Variants in GYPC observed in about 807,000 individuals in gnomAD.
GYPC encodes glycophorin C (Gerbich blood group), also known as glycophorin-C.
Under a neutral mutation model 12.6 loss-of-function variants are expected in GYPC, and 14 were observed. That is an observed-to-expected ratio of 1.11 (90% CI 0.74 to 1.74). The LOEUF (loss-of-function observed/expected upper bound fraction) is 1.74. Ranked by LOEUF, GYPC falls within the 40% of genes most tolerant of loss-of-function variation. GYPC has a pLI of 0.00. For missense variants in GYPC, 225 were observed against 172.1 expected (o/e 1.31, Z -1.72); for synonymous variants, 78 against 62.1 (o/e 1.26, Z -1.20).
At chr2:126,691,700 T>G (rs1368343098) in intron 2 of GYPC, among the ~76,000 whole-genome samples, 3 of 152,198 alleles carry the variant, frequency 2.0e-5, no homozygotes, top group Non-Finnish European at 4.4e-5. Context: ...TTCTTGCAAC[T>G]GTTGCAAGGA....
chr2:126,661,866 C>T lies in GYPC; in HGVS notation c.49+5554C>T, dbSNP rs116141485. The stretch of plus-strand genomic sequence containing the variant: ...GGGCTCAGGGGAGGAAGCTCCGCTT[C>T]GGGGCATGTAGAGCCAGCCCTGGGC... On this transcript the variant is annotated intron_variant, in intron 1 of 3. Transcript: ENST00000259254. Among the ~76,000 whole-genome samples the T allele has an allele frequency of 1.8e-3, 267 of 152,292 alleles. 2 individuals are homozygous for T. Among genetic ancestry groups the T allele is most frequent in the African/African-American group, 5.1e-3 (212 of 41,584 alleles).
chr2:126,666,751 ACACACATATGCACG>A (rs1682692359), intron 1 of GYPC, among the ~76,000 whole-genome samples: 1 of 123,492 alleles, frequency 8.1e-6, no homozygotes, highest in Admixed American at 8.0e-5. Context: ...ACACACACAC[ACACACATATGCACG>A]CACACACACA....
At chr2:126,694,815 C>T (rs1683591277) in intron 3 of GYPC, among the ~76,000 whole-genome samples, 1 of 148,698 alleles carries the variant, frequency 6.7e-6, no homozygotes, top group African/African-American at 2.5e-5. Context: ...GACAGGCTTG[C>T]TCTGCAGCTT....
At chr2:126,675,767 T>C (rs1682979338) in intron 1 of GYPC, 2 of 695,508 alleles carry the variant, frequency 2.9e-6, no homozygotes, top group African/African-American at 3.9e-5. Flanking sequence ...ATAAAATTTA[T>C]TAGTGATATT....
intron 1 of GYPC, chr2:126,686,371 G>A: frequency 1.0e-6 from 1 of 985,782 alleles, no homozygotes; most frequent in Non-Finnish European, 1.2e-6. Flanking sequence ...CTGCCTCCAG[G>A]GGTGGCTGCC....
chr2:126,662,413 C>T (rs527936578), intron 1 of GYPC, among the ~76,000 whole-genome samples: 12 of 152,290 alleles, frequency 7.9e-5, no homozygotes, highest in African/African-American at 2.2e-4. Flanking sequence ...TTTCTTAAAC[C>T]TTTAGCTCAA....
chr2:126,687,300 T>A (rs1683318607), intron 1 of GYPC, among the ~76,000 whole-genome samples: 1 of 152,190 alleles, frequency 6.6e-6, no homozygotes, highest in East Asian at 1.9e-4. Context: ...ACACCAGCAC[T>A]TCCCAGCCTA....
chr2:126,681,598 A>G (rs1683150384), intron 1 of GYPC, among the ~76,000 whole-genome samples: 1 of 152,142 alleles, frequency 6.6e-6, no homozygotes, highest in East Asian at 1.9e-4. Flanking sequence ...CATATCGACG[A>G]TGAGAATAAT....
At chr2:126,686,737 G>T (rs768425029) in intron 1 of GYPC, 104 of 974,994 alleles carry the variant, frequency 1.1e-4, no homozygotes, top group Admixed American at 1.8e-4. Flanking sequence ...CCAAAAAATA[G>T]GTCCTCTCAT....
chr2:126,692,236 G>T (rs1683492570), intron 2 of GYPC, among the ~76,000 whole-genome samples: 2 of 152,090 alleles, frequency 1.3e-5, no homozygotes, highest in Admixed American at 6.6e-5. Context: ...GTGTTCACTG[G>T]GTCCCTGGGC....
chr2:126,667,689 C>T (rs540213410), intron 1 of GYPC, among the ~76,000 whole-genome samples: 1 of 152,336 alleles, frequency 6.6e-6, no homozygotes, highest in African/African-American at 2.4e-5. Flanking sequence ...AGGCATGAGC[C>T]ACCACGCCTG....
intron 1 of GYPC, among the ~76,000 whole-genome samples, chr2:126,677,621 A>C (rs1356466803): frequency 6.6e-6 from 1 of 152,118 alleles, no homozygotes; most frequent in African/African-American, 2.4e-5. Context: ...GAGGACAATA[A>C]GAATAGCTCC....
chr2:126,676,105 C>T (rs1682988748), intron 1 of GYPC, among the ~76,000 whole-genome samples: 1 of 152,226 alleles, frequency 6.6e-6, no homozygotes, highest in South Asian at 2.1e-4. Flanking sequence ...ATTGAAGAAA[C>T]AGATCCACCC....
intron 1 of GYPC, among the ~76,000 whole-genome samples, chr2:126,661,364 C>A (rs1682530686): frequency 6.6e-6 from 1 of 152,190 alleles, no homozygotes; most frequent in South Asian, 2.1e-4. Context: ...GGCGTCACCA[C>A]CCCTCCTTCA....
intron 1 of GYPC, among the ~76,000 whole-genome samples, chr2:126,663,042 T>A (rs1193813469): frequency 1.3e-5 from 2 of 152,042 alleles, no homozygotes; most frequent in African/African-American, 2.4e-5. Flanking sequence ...TTTTTATTGT[T>A]TTTGTTTTTC....
intron 2 of GYPC, among the ~76,000 whole-genome samples, chr2:126,693,389 G>A (rs1683534273): frequency 6.6e-6 from 1 of 152,136 alleles, no homozygotes; most frequent in Admixed American, 6.6e-5. Context: ...GGACTTCCCA[G>A]CCACTAGAAC....
chr2:126,690,227 A>T (rs775155776), intron 1 of GYPC, 28 bp from the exon 2 acceptor site: 1 of 1,581,458 alleles, frequency 6.3e-7, no homozygotes, highest in East Asian at 2.2e-5. Flanking sequence ...TTCCTCTCTG[A>T]CCTCAGATTC....
chr2:126,696,586 G>T lies in GYPC; in HGVS notation c.*444G>T. The T allele has an allele frequency of 3.8e-6, 1 of 259,746 alleles. No individual in the cohort carries two copies. Among genetic ancestry groups the T allele is most frequent in the Non-Finnish European group, 7.6e-6 (1 of 131,294 alleles). The allele number at this position is 259,746 out of a possible 1,614,324, so 16.1% of individuals were successfully genotyped here. On this transcript the variant is annotated 3_prime_UTR_variant, in exon 4 of 4. Coordinates refer to ENST00000259254, the MANE Select transcript of GYPC (RefSeq NM_002101.5). ...CAGTCCTTGACATTTGGGGGGAACAGCAGGTGCCAGAGCTAAAAGGTACCT... is the reference window on the plus strand; with the variant it reads ...CAGTCCTTGACATTTGGGGGGAACATCAGGTGCCAGAGCTAAAAGGTACCT...
At chr2:126,675,706 T>C in intron 1 of GYPC, 1 of 984,982 alleles carries the variant, frequency 1.0e-6, no homozygotes, top group Non-Finnish European at 1.2e-6. Flanking sequence ...GACTTCTTAG[T>C]CTGATCTTCA....
Sources: allele counts gnomAD v4.1 joint callset (sites outside exome capture counted in the v4.1 genomes callset), GRCh38; gene constraint gnomAD v4.1.1; transcripts MANE v1.5; gene names NCBI Gene and HGNC (gene_info 2026-07-23, HGNC 2026-07-21).